NOVA1: variants seen among roughly 807,000 people sequenced by gnomAD.
NOVA1 encodes the protein NOVA alternative splicing regulator 1.
In NOVA1, 7 loss-of-function variants were observed where a neutral mutation model predicts 38.0. The ratio of observed to expected loss-of-function variants is 0.18; its 90% CI spans 0.10 to 0.35. NOVA1 has a LOEUF of 0.35. Among genes scored for constraint, NOVA1 ranks in the 10% least tolerant of loss-of-function variants. NOVA1 has a pLI of 1.00. For synonymous variants in NOVA1, 270 were observed against 232.5 expected (o/e 1.16, Z -1.47); for missense variants, 460 against 616.0 (o/e 0.75, Z 2.68).
intron 2 of NOVA1, among the ~76,000 whole-genome samples, chr14:26,520,645 T>TGCACATGG: frequency 6.6e-6 from 1 of 152,158 alleles, no homozygotes; most frequent in Admixed American, 6.5e-5. Context: ...TTTATCACTA[T>TGCACATGG]GCACATGCTT....
intron 2 of NOVA1, among the ~76,000 whole-genome samples, chr14:26,540,730 G>C (rs1346927232): frequency 6.6e-6 from 1 of 152,158 alleles, no homozygotes; most frequent in Non-Finnish European, 1.5e-5. Flanking sequence ...CTGTGGCACT[G>C]ATCTGACTTT....
At chr14:26,568,446 C>A (rs565933651) in intron 2 of NOVA1, 1 of 152,012 alleles carries the variant, frequency 6.6e-6, no homozygotes, top group Non-Finnish European at 1.5e-5. Flanking sequence ...TTATAATAGA[C>A]GTATATATTT....
chr14:26,465,803 C>G (rs1884069361), intron 4 of NOVA1, among the ~76,000 whole-genome samples: 2 of 152,112 alleles, frequency 1.3e-5, no homozygotes, highest in African/African-American at 4.8e-5. Flanking sequence ...CAGGCTAGTG[C>G]TTCACATACA....
intron 2 of NOVA1, among the ~76,000 whole-genome samples, chr14:26,561,467 A>C (rs1891816037): frequency 2.0e-5 from 3 of 152,250 alleles, no homozygotes; most frequent in Admixed American, 6.5e-5. Context: ...CTTTAACAGC[A>C]GCAGCTGACA....
intron 2 of NOVA1, among the ~76,000 whole-genome samples, chr14:26,485,794 T>C (rs760700445): frequency 5.9e-5 from 9 of 152,160 alleles, no homozygotes; most frequent in Non-Finnish European, 1.3e-4. Context: ...AATACAGACA[T>C]AATTATTTAG....
chr14:26,449,332 C>G (rs991429261), intron 4 of NOVA1, among the ~76,000 whole-genome samples: 1 of 152,040 alleles, frequency 6.6e-6, no homozygotes, highest in African/African-American at 2.4e-5. Flanking sequence ...GATTCTTCAC[C>G]TATTGTAACT....
intron 2 of NOVA1, among the ~76,000 whole-genome samples, chr14:26,539,324 A>G (rs2138588864): frequency 6.6e-6 from 1 of 152,316 alleles, no homozygotes; most frequent in Non-Finnish European, 1.5e-5. Context: ...TAAATGCCAC[A>G]AAACTTGTGA....
chr14:26,555,867 T>A (rs1218239797), intron 2 of NOVA1, among the ~76,000 whole-genome samples: 1 of 152,146 alleles, frequency 6.6e-6, no homozygotes, highest in East Asian at 1.9e-4. Context: ...TTCTAAGACT[T>A]ATGTTAACGT....
chr14:26,587,398 A>G (rs1271935425), intron 2 of NOVA1, among the ~76,000 whole-genome samples: 1 of 150,832 alleles, frequency 6.6e-6, no homozygotes, highest in Admixed American at 6.6e-5. Flanking sequence ...CCTCGAATGG[A>G]GAAAAGATAC....
At chr14:26,491,730 T>C (rs1478337748) in intron 2 of NOVA1, among the ~76,000 whole-genome samples, 1 of 152,192 alleles carries the variant, frequency 6.6e-6, no homozygotes, top group Non-Finnish European at 1.5e-5. Context: ...ATGAACTTGA[T>C]ACCCTTGTCA....
Position 26,444,373 on chromosome 14 carries a change from G to T in NOVA1, c.*3586C>A, listed in dbSNP as rs1022988410. On this transcript the variant is annotated 3_prime_UTR_variant, in exon 5 of 5. Coordinates refer to ENST00000539517, the MANE Select transcript of NOVA1 (RefSeq NM_002515.3). ...ATTAATATGCACTTTCTTAGAAAGCGATATAAATATATAATACAGGACTTG... is the reference window on the plus strand; with the variant it reads ...ATTAATATGCACTTTCTTAGAAAGCTATATAAATATATAATACAGGACTTG... 10 of 152,090 alleles carry T rather than the reference G, an allele frequency of 6.6e-5. No individual in the cohort carries two copies. Among genetic ancestry groups the T allele is most frequent in the African/African-American group, 2.2e-4 (9 of 41,426 alleles). 9.4% of individuals were successfully genotyped at this position (152,090 alleles called of 1,614,324 possible). A position where few individuals can be genotyped will look rare whatever the true frequency, so the allele number is the denominator to read the frequency against.
chr14:26,476,292 A>G (rs1304582458), intron 3 of NOVA1, among the ~76,000 whole-genome samples: 4 of 152,336 alleles, frequency 2.6e-5, no homozygotes, highest in African/African-American at 9.6e-5. Context: ...TTTTAATGCA[A>G]GAGAGAACAA....
chr14:26,597,301 C>T lies in NOVA1; in HGVS notation c.136G>A (p.Glu46Lys). The change falls in exon 1 of 5, where the codon GAA (glutamate) becomes AAA (lysine). Residue 46 changes from glutamate (E) to lysine (K), a missense_variant and splice_region_variant. Coordinates refer to ENST00000539517, the MANE Select transcript of NOVA1 (RefSeq NM_002515.3). ...GCGGGGAGGTGGAAGCGATACCCAC[C>T]GCCCGTATTGGTCCTCTTGGTGCTG... ...AGSTKRTNTG[E>K]DGQYFLKVLI... 1 of 1,246,874 alleles carries T rather than the reference C, an allele frequency of 8.0e-7. No homozygotes were observed. Among genetic ancestry groups the T allele is most frequent in the Non-Finnish European group, 1.0e-6 (1 of 988,662 alleles). 77.2% of individuals were successfully genotyped at this position (1,246,874 alleles called of 1,614,324 possible).
At chr14:26,592,930 T>C (rs557146458) in intron 2 of NOVA1, 2 of 151,796 alleles carry the variant, frequency 1.3e-5, no homozygotes, top group South Asian at 4.1e-4. Flanking sequence ...CTTAAAAACT[T>C]GGGTAATTTG....
intron 2 of NOVA1, among the ~76,000 whole-genome samples, chr14:26,548,634 T>C (rs1225166056): frequency 6.6e-6 from 1 of 152,198 alleles, no homozygotes; most frequent in Non-Finnish European, 1.5e-5. Context: ...GATATTTCTC[T>C]ATTTTATAAG....
At chr14:26,544,742 GAAGC>G (rs1198650027) in intron 2 of NOVA1, among the ~76,000 whole-genome samples, 1 of 151,996 alleles carries the variant, frequency 6.6e-6, no homozygotes, top group Non-Finnish European at 1.5e-5. Flanking sequence ...CAGCAGCAGA[GAAGC>G]AAGAATAGAG....
chr14:26,570,007 T>A (rs1035384738), intron 2 of NOVA1, among the ~76,000 whole-genome samples: 3 of 152,138 alleles, frequency 2.0e-5, no homozygotes, highest in African/African-American at 7.2e-5. Context: ...TAAAAGTAAA[T>A]GCTAAGAAAG....
chr14:26,466,254 ATAAGT>A (rs1884126858), intron 4 of NOVA1, among the ~76,000 whole-genome samples: 1 of 152,226 alleles, frequency 6.6e-6, no homozygotes, highest in African/African-American at 2.4e-5. Context: ...GCCTTTTCTT[ATAAGT>A]TAACTAAGGC....
intron 2 of NOVA1, among the ~76,000 whole-genome samples, chr14:26,496,409 G>A (rs556588313): frequency 3.9e-5 from 6 of 152,174 alleles, no homozygotes; most frequent in Non-Finnish European, 5.9e-5. Flanking sequence ...TGTCAGATGC[G>A]TAGGTTGCAA....
Sources: gnomAD v4.1 joint callset for allele counts (sites outside exome capture counted in the v4.1 genomes callset) on GRCh38, gnomAD v4.1.1 for gene constraint, MANE v1.5 for transcripts, NCBI Gene and HGNC (gene_info 2026-07-23, HGNC 2026-07-21) for gene names.